Variants in DNAH7 observed in about 807,000 individuals in gnomAD.
The protein encoded by DNAH7 is dynein axonemal heavy chain 7, also known as axonemal beta dynein heavy chain 7.
In DNAH7, 397 loss-of-function variants were observed where a neutral mutation model predicts 444.6. The ratio of observed to expected loss-of-function variants is 0.89; its 90% CI spans 0.82 to 0.97. DNAH7 has a LOEUF of 0.97. DNAH7 is among the 50% of genes least tolerant of loss of function. DNAH7 has a pLI of 0.00. For missense variants in DNAH7, 4,902 were observed against 4,800.8 expected (o/e 1.02, Z -0.62); for synonymous variants, 1,636 against 1,624.4 (o/e 1.01, Z -0.17).
At chr2:195,814,782 C>T (rs1363455366) in intron 51 of DNAH7, among the ~76,000 whole-genome samples, 1 of 152,036 alleles carries the variant, frequency 6.6e-6, no homozygotes, top group East Asian at 1.9e-4. Context: ...CTCCCACTGC[C>T]CAGGCTGAAG....
intron 63 of DNAH7, among the ~76,000 whole-genome samples, chr2:195,746,645 T>C (rs2105890875): frequency 6.6e-6 from 1 of 152,320 alleles, no homozygotes; most frequent in Non-Finnish European, 1.5e-5. Flanking sequence ...TAACAAACTG[T>C]CTTTCAGACC....
Position 195,906,955 on chromosome 2 carries a change from A to T in DNAH7, c.4159T>A (p.Leu1387Met). Residue 1387 changes from leucine (L) to methionine (M), a missense_variant, in exon 26 of 65, where the codon TTG becomes ATG. By Grantham distance (15) the Leu-to-Met change is conservative (BLOSUM62 2). Coordinates refer to ENST00000312428, the MANE Select transcript of DNAH7 (RefSeq NM_018897.3). Reference protein sequence around the residue: ...ACFDEFNRIDLEVLSVVAQQI... With the variant: ...ACFDEFNRIDMEVLSVVAQQI... ...TGAGCAACCACAGAGAGTACTTCCA[A>T]ATCAATTCTGTTAAACTCATCAAAG... The T allele has an allele frequency of 6.2e-7, 1 of 1,613,340 alleles. No homozygotes were observed. Among genetic ancestry groups the T allele is most frequent in the Non-Finnish European group, 8.5e-7 (1 of 1,179,564 alleles).
chr2:195,746,399 A>C (rs1693406685), intron 63 of DNAH7, among the ~76,000 whole-genome samples: 1 of 152,100 alleles, frequency 6.6e-6, no homozygotes. Context: ...AATAATAATG[A>C]GAGACTTTAA....
chr2:195,846,181 C>T (rs1698982975), intron 46 of DNAH7, among the ~76,000 whole-genome samples: 1 of 152,128 alleles, frequency 6.6e-6, no homozygotes, highest in Non-Finnish European at 1.5e-5. Flanking sequence ...CAACTCACCC[C>T]TTTAAAAAGT....
At chr2:195,761,969 C>T (rs1559078619) in intron 61 of DNAH7, among the ~76,000 whole-genome samples, 1 of 152,048 alleles carries the variant, frequency 6.6e-6, no homozygotes, top group Non-Finnish European at 1.5e-5. Context: ...GTGTATACTA[C>T]TCATATCTTG....
chr2:195,842,265 T>C (rs922645604), intron 47 of DNAH7, among the ~76,000 whole-genome samples: 4 of 152,098 alleles, frequency 2.6e-5, no homozygotes, highest in African/African-American at 9.7e-5. Context: ...GCCAGGGACC[T>C]TTAGGAGTCA....
rs1384587913 is a variant in DNAH7, at chr2:195,872,435, T to C, written c.6448A>G (p.Thr2150Ala). The C allele has an allele frequency of 6.2e-7, 1 of 1,600,514 alleles. No homozygotes were observed. The highest frequency in any genetic ancestry group is 1.2e-5 in the South Asian group (1 of 86,516). Residue 2150 changes from threonine to alanine, a missense_variant, in exon 40 of 65, where the codon ACA becomes GCA. Coordinates refer to ENST00000312428, the MANE Select transcript of DNAH7 (RefSeq NM_018897.3). ...GTCATTGTGCCATTTACGATTTGTG[T>C]GGTCAAATCTAGAAATTCATCTGGA... ...KFPDEFLDLT[T>A]QIVNGTMTLY...
chr2:196,003,495 A>C (rs1694175418), intron 10 of DNAH7, among the ~76,000 whole-genome samples: 1 of 152,236 alleles, frequency 6.6e-6, no homozygotes, highest in Non-Finnish European at 1.5e-5. Flanking sequence ...TAATTCTCAA[A>C]GTGCTTAATA....
intron 47 of DNAH7, among the ~76,000 whole-genome samples, chr2:195,844,490 C>T (rs908338943): frequency 2.6e-5 from 4 of 152,122 alleles, no homozygotes; most frequent in African/African-American, 9.7e-5. Flanking sequence ...AATATTCTCC[C>T]AGCCCAGACT....
Position 195,743,214 on chromosome 2 carries a change from G to A in DNAH7, c.11765-2345C>T, listed in dbSNP as rs564233948. ...CCTGCGGCCACAGACTGAAGGCTGC[G>A]CTGTCTGCTTCCGTACTTTTGAGGT... On this transcript the variant is annotated intron_variant, in intron 63 of 64. Transcript: ENST00000312428. Among the ~76,000 whole-genome samples, 7 of 152,308 alleles carry A rather than the reference G, an allele frequency of 4.6e-5. No individual in the cohort carries two copies. The East Asian group carries it at 5.8e-4, about 13-fold the overall frequency.
At chr2:195,941,137 G>A (rs538464560) in intron 19 of DNAH7, among the ~76,000 whole-genome samples, 1 of 152,208 alleles carries the variant, frequency 6.6e-6, no homozygotes, top group African/African-American at 2.4e-5. Flanking sequence ...GCCCATCAAT[G>A]ATAGACTGAA....
chr2:195,909,399 G>A (rs1448268229), intron 25 of DNAH7, among the ~76,000 whole-genome samples: 2 of 152,032 alleles, frequency 1.3e-5, no homozygotes, highest in South Asian at 4.1e-4. Context: ...ATAATCAGAT[G>A]TTTATAGGTT....
At chr2:196,000,113 C>A (rs1048940795) in intron 12 of DNAH7, among the ~76,000 whole-genome samples, 5 of 152,160 alleles carry the variant, frequency 3.3e-5, no homozygotes, top group South Asian at 2.1e-4. Flanking sequence ...TTCCTGCACT[C>A]TTCTGTATAC....
chr2:195,740,156 G>A (rs950217356), intron 64 of DNAH7, among the ~76,000 whole-genome samples: 5 of 152,050 alleles, frequency 3.3e-5, no homozygotes, highest in African/African-American at 1.2e-4. Flanking sequence ...GCTAATTTTT[G>A]TATTTTCAGT....
intron 24 of DNAH7, 68 bp from the exon 25 acceptor site, chr2:195,910,263 G>A: frequency 7.5e-7 from 1 of 1,336,668 alleles, no homozygotes; most frequent in South Asian, 1.6e-5. Flanking sequence ...ATGCCAAGAA[G>A]AGAAAAAGGT....
intron 17 of DNAH7, among the ~76,000 whole-genome samples, chr2:195,968,983 C>T (rs1016368397): frequency 1.3e-5 from 2 of 152,248 alleles, no homozygotes; most frequent in Non-Finnish European, 2.9e-5. Flanking sequence ...TCTCTCTGCA[C>T]CACATGGGTG....
At chr2:196,051,570 A>AT (rs1697470375) in intron 2 of DNAH7, among the ~76,000 whole-genome samples, 1 of 152,162 alleles carries the variant, frequency 6.6e-6, no homozygotes, top group African/African-American at 2.4e-5. Context: ...GATCGAGACC[A>AT]TCCTGGCTAA....
At chr2:196,021,414 C>G (rs999721390) in intron 8 of DNAH7, among the ~76,000 whole-genome samples, 1 of 152,100 alleles carries the variant, frequency 6.6e-6, no homozygotes, top group African/African-American at 2.4e-5. Flanking sequence ...CCCCATAAGG[C>G]AAATATTGCA....
At chr2:196,000,609 G>T in intron 12 of DNAH7, 95 bp downstream of exon 12, 1 of 1,048,264 alleles carries the variant, frequency 9.5e-7, no homozygotes, top group Non-Finnish European at 1.3e-6. Flanking sequence ...ATTATATTCT[G>T]TGAAGCAGAG....
Sources: gnomAD v4.1 joint callset for allele counts (sites outside exome capture counted in the v4.1 genomes callset) on GRCh38, gnomAD v4.1.1 for gene constraint, MANE v1.5 for transcripts, NCBI Gene and HGNC (gene_info 2026-07-23, HGNC 2026-07-21) for gene names.